Variants in SYNE1 observed in about 807,000 individuals in gnomAD.
SYNE1 encodes spectrin repeat containing nuclear envelope protein 1.
A neutral mutation model predicts 1,111.0 loss-of-function variants in SYNE1; 616 were observed. That is an observed-to-expected ratio of 0.55 (90% confidence interval 0.52 to 0.59). The LOEUF (loss-of-function observed/expected upper bound fraction) is 0.59, where lower values mean the gene tolerates loss of function less well. Among genes scored for constraint, SYNE1 ranks in the 20% least tolerant of loss-of-function variants. SYNE1 has a pLI of 0.00. For missense variants in SYNE1, 10,006 were observed against 10,417.0 expected, an observed-to-expected ratio of 0.96 and a Z score of 1.72; for synonymous variants, 3,855 against 3,825.8, an observed-to-expected ratio of 1.01 and a Z score of -0.28.
At chr6:152,156,717 T>C (rs537307157) in intron 131 of SYNE1, among the ~76,000 whole-genome samples, 1 of 152,354 alleles carries the variant, frequency 6.6e-6, no homozygotes, top group East Asian at 1.9e-4. Flanking sequence ...TTCCAAATAC[T>C]TTTGATCTAC....
intron 133 of SYNE1, among the ~76,000 whole-genome samples, chr6:152,154,498 A>G: frequency 6.6e-6 from 1 of 151,670 alleles, no homozygotes; most frequent in Non-Finnish European, 1.5e-5. Flanking sequence ...CGATTAGGTA[A>G]AGAAAATACA....
At chr6:152,355,922 A>G (rs2096829044) in intron 66 of SYNE1, among the ~76,000 whole-genome samples, 2 of 152,226 alleles carry the variant, frequency 1.3e-5, no homozygotes, top group Admixed American at 1.3e-4. Flanking sequence ...TTTTTCTTCA[A>G]ATATGATGTC....
At chr6:152,288,214 G>A (rs557284043) in intron 95 of SYNE1, among the ~76,000 whole-genome samples, 32 of 151,236 alleles carry the variant, frequency 2.1e-4, no homozygotes, top group Non-Finnish European at 4.0e-4. Flanking sequence ...CCTCTCTTCT[G>A]TGCCTTTCCA....
At position 152,632,083 on chromosome 6, in the gene SYNE1, A is replaced by C. The variant is rs549192903; in HGVS notation, c.-223-3529T>G. Reference sequence around the variant, plus strand: ...AACGATCCATACTATCCTAGGTACAATTTGGCTTCTATCTTTCACTACTGC... The same window carrying C: ...AACGATCCATACTATCCTAGGTACACTTTGGCTTCTATCTTTCACTACTGC... On this transcript the variant is annotated intron_variant, in intron 2 of 145. Coordinates refer to ENST00000367255, the MANE Select transcript of SYNE1 (RefSeq NM_182961.4). 5.9e-5 allele frequency among the ~76,000 whole-genome samples: 9 copies of C among 152,140 alleles called. No individual in the cohort carries two copies. In the South Asian group the frequency reaches 1.9e-3, roughly 32 times the overall value.
At chr6:152,245,273 C>G (rs935623734) in intron 105 of SYNE1, among the ~76,000 whole-genome samples, 4 of 152,114 alleles carry the variant, frequency 2.6e-5, no homozygotes, top group Admixed American at 6.5e-5. Context: ...GTTAGGAAGC[C>G]AGAGTAAACA....
intron 137 of SYNE1, chr6:152,147,523 A>C (rs2059725468): frequency 6.5e-6 from 1 of 153,158 alleles, no homozygotes; most frequent in Non-Finnish European, 1.5e-5. Context: ...TTCCAGACAA[A>C]CTGCCAATGA....
chr6:152,585,145 AG>A (rs2099533625), intron 3 of SYNE1, among the ~76,000 whole-genome samples: 1 of 152,218 alleles, frequency 6.6e-6, no homozygotes, highest in Non-Finnish European at 1.5e-5. Flanking sequence ...ATTGCTCGGC[AG>A]TTCTTTCCTT....
intron 142 of SYNE1, chr6:152,134,830 C>A (rs947451337): frequency 4.9e-5 from 21 of 424,910 alleles, no homozygotes; most frequent in African/African-American, 4.2e-4. Context: ...ATAAACAACA[C>A]AAGCTAATTA....
At chr6:152,211,387 T>C in intron 124 of SYNE1, 107 bp downstream of exon 124, 1 of 904,772 alleles carries the variant, frequency 1.1e-6, no homozygotes, top group South Asian at 1.4e-5. Flanking sequence ...CCACTACAGT[T>C]CAATTGCCTC....
At chr6:152,188,700 T>C (rs1164474808) in intron 128 of SYNE1, among the ~76,000 whole-genome samples, 5 of 151,998 alleles carry the variant, frequency 3.3e-5, no homozygotes, top group African/African-American at 1.2e-4. Context: ...GGCTCACGCC[T>C]GCAATCCCAA....
intron 69 of SYNE1, 47 bp from the exon 70 acceptor site, chr6:152,352,400 TTTTC>T (rs1429836596): frequency 3.3e-6 from 5 of 1,536,138 alleles, no homozygotes; most frequent in Non-Finnish European, 3.5e-6. Context: ...GTTTCTTTTC[TTTTC>T]TTTCTTTTTT....
chr6:152,143,759 T>C lies in SYNE1; in HGVS notation c.24983A>G (p.His8328Arg), dbSNP rs1239507497. 30 of 1,614,090 alleles carry C rather than the reference T, an allele frequency of 1.9e-5. No individual in the cohort carries two copies. The highest frequency in any genetic ancestry group is 2.1e-5 in the Non-Finnish European group (25 of 1,180,052). Residue 8328 changes from histidine (H) to arginine (R), a missense_variant, in exon 138 of 146, where the codon CAC becomes CGC. Coordinates refer to ENST00000367255, the MANE Select transcript of SYNE1 (RefSeq NM_182961.4). ...TCGGATCTGTGACTCTAGGGCACTG[T>C]GGTCCCCTGCGGTGGCAACCATAAG... Reference protein sequence around the residue: ...LRGAVGLSGDHSALESQIRQL... With the variant: ...LRGAVGLSGDRSALESQIRQL...
Position 152,269,232 on chromosome 6 carries a change from G to T in SYNE1, c.18628C>A (p.Pro6210Thr). The T allele has an allele frequency of 6.2e-7, 1 of 1,614,166 alleles. No individual in the cohort carries two copies. The highest frequency in any genetic ancestry group is 8.5e-7 in the Non-Finnish European group (1 of 1,180,038). ...TGGGCCAGCCATTCCTGGACGCCGG[G>T]GCTCTGCGTGGCTGTTAGGTCAACA... Reference protein sequence around the residue: ...SDVDLTATQSPGVQEWLAQAR... With the variant: ...SDVDLTATQSTGVQEWLAQAR... The change falls in exon 99 of 146, where the codon CCC (proline) becomes ACC (threonine). Residue 6210 changes from proline (P) to threonine (T), a missense_variant. By Grantham distance (38) the Pro-to-Thr change is conservative. Coordinates refer to ENST00000367255, the MANE Select transcript of SYNE1 (RefSeq NM_182961.4).
At chr6:152,463,259 C>A in intron 19 of SYNE1, 94 bp downstream of exon 19, 1 of 1,567,852 alleles carries the variant, frequency 6.4e-7, no homozygotes, top group Non-Finnish European at 8.8e-7. Context: ...CCTTAATAAA[C>A]CCGTGCTCTA....
At position 152,456,065 on chromosome 6, in the gene SYNE1, A is replaced by G. The variant is rs150764932; in HGVS notation, c.2569-21T>C. The G allele has an allele frequency of 7.2e-3, 11,649 of 1,609,320 alleles. 58 individuals are homozygous for G. The highest frequency in any genetic ancestry group is 8.5e-3 in the South Asian group (774 of 91,016). ...AGTTCCTATAACGAAATGAAACCCCACAACAATGTTATTTACAAGACAGAG... is the reference window on the plus strand; with the variant it reads ...AGTTCCTATAACGAAATGAAACCCCGCAACAATGTTATTTACAAGACAGAG... On this transcript the variant is annotated intron_variant, in intron 22 of 145. Transcript: ENST00000367255.
At position 152,221,010 on chromosome 6, in the gene SYNE1, T is replaced by C. The variant is rs1439072774; in HGVS notation, c.21693A>G (p.Leu7231=). ...GCTGAAGTAGGGCCTTGCTGGACTGTAGCTGCTCAGCAATCTCTTCCAGCA... is the reference window on the plus strand; with the variant it reads ...GCTGAAGTAGGGCCTTGCTGGACTGCAGCTGCTCAGCAATCTCTTCCAGCA... The part of the protein sequence containing the change: ...NNLLEEIAEQ[L]QSSKALLQLW... Residue 7231 remains leucine, a synonymous_variant, in exon 119 of 146, where the codon CTA becomes CTG. Coordinates refer to ENST00000367255, the MANE Select transcript of SYNE1 (RefSeq NM_182961.4). 13 of 1,614,024 alleles carry C rather than the reference T, an allele frequency of 8.1e-6. No individual in the cohort carries two copies. Among genetic ancestry groups the C allele is most frequent in the Non-Finnish European group, 9.3e-6 (11 of 1,179,996 alleles).
intron 128 of SYNE1, among the ~76,000 whole-genome samples, chr6:152,184,616 T>A (rs548896603): frequency 6.7e-6 from 1 of 149,956 alleles, no homozygotes; most frequent in African/African-American, 2.5e-5. Flanking sequence ...ACTAAGCAGC[T>A]GGATTATACA....
chr6:152,599,051 T>C (rs1267274168), intron 3 of SYNE1, among the ~76,000 whole-genome samples: 1 of 152,196 alleles, frequency 6.6e-6, no homozygotes, highest in Non-Finnish European at 1.5e-5. Context: ...ACCCTTCTCG[T>C]GAGATAATAA....
chr6:152,125,354 C>G (rs1214382947), intron 145 of SYNE1: 1 of 1,549,938 alleles, frequency 6.5e-7, no homozygotes, highest in Non-Finnish European at 8.7e-7. Flanking sequence ...TCTAAAGCCT[C>G]TGGTCATAAG....
Sources: gnomAD v4.1 joint callset for allele counts (sites outside exome capture counted in the v4.1 genomes callset) on GRCh38, gnomAD v4.1.1 for gene constraint, MANE v1.5 for transcripts, NCBI Gene and HGNC (gene_info 2026-07-23, HGNC 2026-07-21) for gene names.